The following ITGB4 variants were observed in gnomAD, a reference collection of about 807,000 sequenced individuals.
The protein encoded by ITGB4 is integrin subunit beta 4.
Under a neutral mutation model 207.6 loss-of-function variants are expected in ITGB4, and 159 were observed. That is an observed-to-expected ratio of 0.77 (90% CI 0.67 to 0.87). The LOEUF (loss-of-function observed/expected upper bound fraction) is 0.87, where lower values mean the gene tolerates loss of function less well. Among genes scored for constraint, ITGB4 ranks in the 40% least tolerant of loss-of-function variants. The probability of loss-of-function intolerance (pLI) is 0.00; values close to 1 mark genes in which losing one functional copy is unlikely to be tolerated. For synonymous variants in ITGB4, 1,020 were observed against 1,062.7 expected (o/e 0.96, Z 0.78); for missense variants, 2,278 against 2,546.8 (o/e 0.89, Z 2.27).
rs996114680 is a variant in ITGB4, at chr17:75,730,588, CCCTCCCTCCCTCCCTT to C, written c.1002+92_1002+107del. The C allele has an allele frequency of 1.2e-4, 148 of 1,194,348 alleles. 2 individuals carry two copies. Among genetic ancestry groups the C allele is most frequent in the South Asian group, 9.5e-4 (68 of 71,476 alleles). 74.0% of individuals were successfully genotyped at this position (1,194,348 alleles called of 1,614,324 possible). A position where few individuals can be genotyped will look rare whatever the true frequency, so the allele number is the denominator to read the frequency against. On this transcript the variant is annotated intron_variant, in intron 8 of 39. Coordinates refer to ENST00000200181, the MANE Select transcript of ITGB4 (RefSeq NM_000213.5). ...CTCAGACACCTCTCCCTCCCTCCCT[CCCTCCCTCCCTCCCTT>C]CCTCCCTTCCTCCCTCCCTCTTTTC...
intron 23 of ITGB4, among the ~76,000 whole-genome samples, chr17:75,741,541 C>T (rs2061110418): frequency 1.3e-5 from 2 of 152,156 alleles, no homozygotes. Context: ...CGTGGTGGCT[C>T]ACACCTGTAA....
intron 32 of ITGB4, among the ~76,000 whole-genome samples, chr17:75,753,293 G>A (rs2061409890): frequency 6.6e-6 from 1 of 152,214 alleles, no homozygotes; most frequent in South Asian, 2.1e-4. Flanking sequence ...TTCAGGTGGA[G>A]CGCAGCTGGT....
At chr17:75,730,157 C>T (rs2060818132) in intron 7 of ITGB4, 84 bp from the exon 8 acceptor site, 1 of 1,579,118 alleles carries the variant, frequency 6.3e-7, no homozygotes, top group Non-Finnish European at 8.6e-7. Context: ...ATGTTGGGAC[C>T]CGCGTTCCCC....
intron 30 of ITGB4, 52 bp downstream of exon 30, chr17:75,751,163 G>C (rs1262145510): frequency 6.2e-7 from 1 of 1,604,642 alleles, no homozygotes; most frequent in African/African-American, 1.3e-5. Flanking sequence ...CCATGGAAGG[G>C]GAGGGGACAA....
chr17:75,725,461 C>A (rs573043861), intron 2 of ITGB4, among the ~76,000 whole-genome samples: 3 of 152,316 alleles, frequency 2.0e-5, no homozygotes, highest in African/African-American at 7.2e-5. Flanking sequence ...CACAGGCATG[C>A]ACCACCATGC....
chr17:75,737,870 C>T (rs557152756), intron 18 of ITGB4, among the ~76,000 whole-genome samples: 22 of 151,952 alleles, frequency 1.4e-4, no homozygotes, highest in African/African-American at 5.1e-4. Context: ...CCTGGGTCCC[C>T]ACCTCACCAG....
In ITGB4 at chr17:75,752,203, G is replaced by A. The variant is rs1284416428; in HGVS notation, c.3823G>A (p.Val1275Ile). The A allele has an allele frequency of 1.2e-6, 2 of 1,613,986 alleles. No homozygotes were observed. The highest frequency in any genetic ancestry group is 2.2e-5 in the South Asian group (2 of 91,088). Reference sequence around the variant, plus strand: ...TATTGGGCCCATGAAGAAAGTGCTGGTTGACAACCCTAAGAACCGGATGCT... The same window carrying A: ...TATTGGGCCCATGAAGAAAGTGCTGATTGACAACCCTAAGAACCGGATGCT... Reference protein sequence around the residue: ...RPIGPMKKVLVDNPKNRMLLI... With the variant: ...RPIGPMKKVLIDNPKNRMLLI... The change falls in exon 31 of 40, where the codon GTT becomes ATT. Residue 1275 changes from valine to isoleucine, a missense_variant. Transcript: ENST00000200181.
intron 35 of ITGB4, among the ~76,000 whole-genome samples, chr17:75,756,153 AC>A (rs1418890518): frequency 6.6e-6 from 1 of 152,178 alleles, no homozygotes; most frequent in Non-Finnish European, 1.5e-5. Context: ...CTTTGGGGGA[AC>A]AAGGAAGTGG....
In ITGB4 at chr17:75,743,855, C is replaced by T. The variant is rs147635062; in HGVS notation, c.3105C>T (p.Gly1035=). The change falls in exon 26 of 40, where the codon GGC becomes GGT. Residue 1035 remains glycine, a synonymous_variant. Transcript: ENST00000200181. ...GCACACAGGATGGCACCGCGCAGGG[C>T]AACCGGGTGAGGCTGCGCCACAGGG... The part of the protein sequence containing the change: ...SYRTQDGTAQ[G]NRDYIPVEGE... 2.4e-5 allele frequency: 38 copies of T among 1,587,136 alleles called. No individual in the cohort carries two copies. In the African/African-American group the frequency reaches 4.9e-4, roughly 20 times the overall value.
chr17:75,745,078 A>T (rs2061204153), intron 26 of ITGB4, among the ~76,000 whole-genome samples: 1 of 152,012 alleles, frequency 6.6e-6, no homozygotes, highest in African/African-American at 2.4e-5. Flanking sequence ...CTAGTTTTTA[A>T]ATGTTGGCAA....
At position 75,742,779 on chromosome 17, in the gene ITGB4, G is replaced by A. The variant is rs75139442; in HGVS notation, c.2962+18G>A. Reference sequence around the variant, plus strand: ...GGAGCAAGGTGGGTCTGGGTGGGGAGAGTGGGGAAGGCAGACGGGGGCTCG... The same window carrying A: ...GGAGCAAGGTGGGTCTGGGTGGGGAAAGTGGGGAAGGCAGACGGGGGCTCG... On this transcript the variant is annotated intron_variant, in intron 25 of 39. Coordinates refer to ENST00000200181, the MANE Select transcript of ITGB4 (RefSeq NM_000213.5). The surrounding 1 kb of genome is among the most constrained non-coding windows in gnomAD (Gnocchi z 5.9). The A allele has an allele frequency of 6.2e-7, 1 of 1,601,086 alleles. No homozygotes were observed. Among genetic ancestry groups the A allele is most frequent in the South Asian group, 1.1e-5 (1 of 90,874 alleles).
chr17:75,739,892 G>A lies in ITGB4; in HGVS notation c.2267G>A (p.Gly756Asp). ...LPCCNRGHMVGFKEDHYMLRE... is the reference protein window; with the variant it reads ...LPCCNRGHMVDFKEDHYMLRE... ...CCCCATCCTGCAGGTCACATGGTGG[G>A]CTTTAAGGAAGACCACTACATGCTG... The change falls in exon 20 of 40, where the codon GGC becomes GAC. Residue 756 changes from glycine (G) to aspartate (D), a missense_variant. Gly to Asp is a moderately conservative substitution (Grantham distance 94). Coordinates refer to ENST00000200181, the MANE Select transcript of ITGB4 (RefSeq NM_000213.5). This position sits in a 1 kb window ranked among gnomAD's most constrained non-coding sequence, Gnocchi z 5.4. 6.2e-7 allele frequency: 1 copy of A among 1,613,578 alleles called. No homozygotes were observed. The highest frequency in any genetic ancestry group is 1.1e-5 in the South Asian group (1 of 91,088).
intron 26 of ITGB4, among the ~76,000 whole-genome samples, chr17:75,745,411 A>C (rs1269682423): frequency 6.6e-6 from 1 of 152,046 alleles, no homozygotes; most frequent in South Asian, 2.1e-4. Flanking sequence ...ATAATAATTA[A>C]TTTTTTAAAA....
chr17:75,732,152 T>C lies in ITGB4; in HGVS notation c.1378-11T>C, dbSNP rs2060876114. 6.2e-7 allele frequency: 1 copy of C among 1,613,898 alleles called. No individual in the cohort carries two copies. Among genetic ancestry groups the C allele is most frequent in the African/African-American group, 1.3e-5 (1 of 74,932 alleles). On this transcript the variant is annotated splice_polypyrimidine_tract_variant and intron_variant, in intron 11 of 39. Transcript: ENST00000200181. This position sits in a 1 kb window ranked among gnomAD's most constrained non-coding sequence, Gnocchi z 5.3. ...CCCCGACGCACCCCACCATGGTCTCTCTCATTCCAGCAAAAAGAGGTGCGG... is the reference window on the plus strand; with the variant it reads ...CCCCGACGCACCCCACCATGGTCTCCCTCATTCCAGCAAAAAGAGGTGCGG...
chr17:75,756,629 C>G lies in ITGB4; in HGVS notation c.4897+12C>G, dbSNP rs767853278. On this transcript the variant is annotated intron_variant, in intron 36 of 39. Coordinates refer to ENST00000200181, the MANE Select transcript of ITGB4 (RefSeq NM_000213.5). ...GTGTCCCCTGCCAGGTGAGTTGCCTCCCCCAGCCCCAGAGCTGCCCCCATC... is the reference window on the plus strand; with the variant it reads ...GTGTCCCCTGCCAGGTGAGTTGCCTGCCCCAGCCCCAGAGCTGCCCCCATC... 80 of 1,612,472 alleles carry G rather than the reference C, an allele frequency of 5.0e-5. No individual in the cohort carries two copies. The highest frequency in any genetic ancestry group is 2.9e-5 in the Non-Finnish European group (34 of 1,179,848).
chr17:75,753,798 A>T lies in ITGB4; in HGVS notation c.4142A>T (p.Glu1381Val). ...TGGAAGTTCGAGCCCCTGCTGGGGG[A>T]GGAGCTGGACCTGCGGCGCGTCACG... The part of the protein sequence containing the change: ...CGWKFEPLLG[E>V]ELDLRRVTWR... The change falls in exon 33 of 40, where the codon GAG (glutamate) becomes GTG (valine). Residue 1381 changes from glutamate (E) to valine (V), a missense_variant. By Grantham distance (121) the Glu-to-Val change is moderately radical. Transcript: ENST00000200181. 1 of 1,459,564 alleles carries T rather than the reference A, an allele frequency of 6.9e-7. No individual in the cohort carries two copies. Among genetic ancestry groups the T allele is most frequent in the Non-Finnish European group, 9.0e-7 (1 of 1,105,946 alleles). The allele number at this position is 1,459,564 out of a possible 1,614,324, so 90.4% of individuals were successfully genotyped here.
Position 75,739,561 on chromosome 17 carries a change from G to C in ITGB4, c.2221-111G>C. 7.6e-6 allele frequency: 9 copies of C among 1,187,308 alleles called. No individual in the cohort carries two copies. The highest frequency in any genetic ancestry group is 1.1e-5 in the Non-Finnish European group (9 of 797,954). 73.5% of individuals were successfully genotyped at this position (1,187,308 alleles called of 1,614,324 possible). The stretch of plus-strand genomic sequence containing the variant: ...ACCACCTGGATATTCTGGTGTCTGG[G>C]GAGGCACTGTCACCCCTCTTGACCA... On this transcript the variant is annotated intron_variant, in intron 18 of 39. Transcript: ENST00000200181. This position sits in a 1 kb window ranked among gnomAD's most constrained non-coding sequence, Gnocchi z 5.4.
In ITGB4 at chr17:75,755,848, G is replaced by A. The variant is rs1568385870; in HGVS notation, c.4706G>A (p.Gly1569Asp). 5 of 1,603,288 alleles carry A rather than the reference G, an allele frequency of 3.1e-6. No homozygotes were observed. The highest frequency in any genetic ancestry group is 4.2e-6 in the Non-Finnish European group (5 of 1,179,620). Residue 1569 changes from glycine (G) to aspartate (D), a missense_variant and splice_region_variant, in exon 35 of 40, where the codon GGC (glycine) becomes GAC (aspartate). By Grantham distance (94) the Gly-to-Asp change is moderately conservative. Coordinates refer to ENST00000200181, the MANE Select transcript of ITGB4 (RefSeq NM_000213.5). Reference sequence around the variant, plus strand: ...AGTGTGGAGTACCAGCTGCTGAACGGCGGTGAGGCATGGTGGCTGCCAGGC... The same window carrying A: ...AGTGTGGAGTACCAGCTGCTGAACGACGGTGAGGCATGGTGGCTGCCAGGC... ...GYSVEYQLLN[G>D]GELHRLNIPN...
chr17:75,757,083 A>G lies in ITGB4; in HGVS notation c.5194A>G (p.Ile1732Val). 6.2e-7 allele frequency: 1 copy of G among 1,612,894 alleles called. No individual in the cohort carries two copies. Among genetic ancestry groups the G allele is most frequent in the Non-Finnish European group, 8.5e-7 (1 of 1,179,934 alleles). Residue 1732 changes from isoleucine (I) to valine (V), a missense_variant, in exon 38 of 40, where the codon ATC (isoleucine) becomes GTC (valine). Transcript: ENST00000200181. ...CTTCGGGCCAGAGCGCGAGGGCATCATCACCATAGAGTCCCAGGATGGAGG... is the reference window on the plus strand; with the variant it reads ...CTTCGGGCCAGAGCGCGAGGGCATCGTCACCATAGAGTCCCAGGATGGAGG... ...EGFGPEREGIITIESQDGGPF... is the reference protein window; with the variant it reads ...EGFGPEREGIVTIESQDGGPF...
Sources: allele counts gnomAD v4.1 joint callset (sites outside exome capture counted in the v4.1 genomes callset), GRCh38; gene constraint gnomAD v4.1.1; non-coding constraint Gnocchi (gnomAD v3.1); transcripts MANE v1.5; gene names NCBI Gene and HGNC (gene_info 2026-07-23, HGNC 2026-07-21).